DNAI3: variants seen among roughly 807,000 people sequenced by gnomAD.
The protein encoded by DNAI3 is dynein axonemal intermediate chain 3.
DNAI3 carries 83 observed loss-of-function variants against 115.5 expected under a neutral mutation model. The ratio of observed to expected loss-of-function variants is 0.72; its 90% confidence interval spans 0.60 to 0.86. The LOEUF is 0.86. DNAI3 is among the 40% of genes least tolerant of loss of function. The probability of loss-of-function intolerance (pLI) is 0.00; values close to 1 mark genes in which losing one functional copy is unlikely to be tolerated. For synonymous variants in DNAI3, 320 were observed against 347.0 expected, an observed-to-expected ratio of 0.92 and a Z score of 0.86; for missense variants, 1,004 against 1,075.8, an observed-to-expected ratio of 0.93 and a Z score of 0.93.
chr1:85,074,516 C>A (rs1654392531), intron 3 of DNAI3, among the ~76,000 whole-genome samples: 1 of 152,184 alleles, frequency 6.6e-6, no homozygotes, highest in Admixed American at 6.5e-5. Context: ...GATAGATCTT[C>A]CCTTTATGCA....
chr1:85,080,496 A>G (rs182258113), intron 3 of DNAI3, among the ~76,000 whole-genome samples: 1 of 152,156 alleles, frequency 6.6e-6, no homozygotes. Context: ...GGTGGTGCCC[A>G]TTTTGATTAG....
rs1216965131 is a variant in DNAI3 at position 85,117,856 on chromosome 1, A to C, written c.1914A>C (p.Thr638=). 1 of 1,612,050 alleles carries C rather than the reference A, an allele frequency of 6.2e-7. No homozygotes were observed. Among genetic ancestry groups the C allele is most frequent in the East Asian group, 2.2e-5 (1 of 44,858 alleles). ...DDFCTKFFVG[T]EEGEVIYTDW... is the part of the protein sequence containing the mutation. ...TCTGCACAAAGTTCTTTGTGGGAAC[A>C]GAGGTAAATTGGGATTATCTGCTTT... The change falls in exon 17 of 23, where the codon ACA becomes ACC. Residue 638 remains threonine (T), a synonymous_variant. Coordinates refer to ENST00000294664, the MANE Select transcript of DNAI3 (RefSeq NM_145172.5).
chr1:85,120,168 G>A (rs1346934897), intron 17 of DNAI3, among the ~76,000 whole-genome samples: 1 of 152,200 alleles, frequency 6.6e-6, no homozygotes, highest in African/African-American at 2.4e-5. Flanking sequence ...AAATTCCCTG[G>A]CCTCATGGTG....
chr1:85,080,024 A>T (rs1975365), intron 3 of DNAI3, among the ~76,000 whole-genome samples: 1 of 148,136 alleles, frequency 6.8e-6, no homozygotes, highest in Non-Finnish European at 1.5e-5. Flanking sequence ...CTCAAGGGAA[A>T]GTTTCTTTTC....
In DNAI3 at chr1:85,094,477, A is replaced by C. The variant is rs747197897; in HGVS notation, c.1095A>C (p.Arg365Ser). 2 of 1,614,184 alleles carry C rather than the reference A, an allele frequency of 1.2e-6. No homozygotes were observed. Among genetic ancestry groups the C allele is most frequent in the South Asian group, 2.2e-5 (2 of 91,080 alleles). ...CCGTGCGACTTTCTTTTGAAGACAG[A>C]GTTCACTTTTCTGGTAAATTATTGC... ...SVAVRLSFED[R>S]VHFSGKLLLQ... Residue 365 changes from arginine to serine, a missense_variant, in exon 10 of 23, where the codon AGA becomes AGC. By Grantham distance (110) the Arg-to-Ser change is moderately radical (BLOSUM62 -1). This residue lies in a region of DNAI3 where 550 missense variants were observed against 568.1 expected (regional missense o/e 0.97). Transcript: ENST00000294664.
intron 7 of DNAI3, among the ~76,000 whole-genome samples, chr1:85,086,915 G>T (rs78010002): frequency 0.013 from 1,961 of 151,858 alleles, 22 homozygotes; most frequent in East Asian, 0.027. Context: ...AACCTACAAG[G>T]CTTCATATGA....
chr1:85,072,549 G>C (rs958750100), intron 2 of DNAI3, among the ~76,000 whole-genome samples: 5 of 151,876 alleles, frequency 3.3e-5, no homozygotes, highest in Admixed American at 2.6e-4. Context: ...GGCTGAGGCA[G>C]GAGAATCACT....
At chr1:85,096,082 G>C (rs527838724) in intron 11 of DNAI3, 62 bp downstream of exon 11, 4 of 1,484,896 alleles carry the variant, frequency 2.7e-6, no homozygotes, top group Non-Finnish European at 3.7e-6. Flanking sequence ...AATAAGTTTT[G>C]ACTTGGCAGT....
chr1:85,119,774 TGC>T (rs1655937282), intron 17 of DNAI3, among the ~76,000 whole-genome samples: 1 of 152,126 alleles, frequency 6.6e-6, no homozygotes, highest in Non-Finnish European at 1.5e-5. Flanking sequence ...CTCGGCTTAT[TGC>T]AACCTCCACC....
intron 1 of DNAI3, among the ~76,000 whole-genome samples, chr1:85,066,396 C>A (rs1475550151): frequency 7.3e-6 from 1 of 136,440 alleles, no homozygotes; most frequent in Non-Finnish European, 1.5e-5. Context: ...GACCTCGGCT[C>A]ACTGCAAGCT....
chr1:85,093,471 C>A lies in DNAI3; in HGVS notation c.871C>A (p.Leu291Met). The change falls in exon 9 of 23, where the codon CTG (leucine) becomes ATG (methionine). Residue 291 changes from leucine (L) to methionine (M), a missense_variant. By Grantham distance (15) the Leu-to-Met change is conservative. Around this residue, in one of 3 missense-constraint regions of DNAI3, gnomAD observed 550 missense variants for 568.1 expected, o/e 0.97. Transcript: ENST00000294664. ...NNASISVEIALQQNEIMNTFI... is the reference protein window; with the variant it reads ...NNASISVEIAMQQNEIMNTFI... ...TTTACAAATTAGTGTTGAAATAGCC[C>A]TGCAGCAAAATGAAATCATGAACAC... The A allele has an allele frequency of 1.2e-6, 2 of 1,613,728 alleles. No individual in the cohort carries two copies. The highest frequency in any genetic ancestry group is 2.2e-5 in the South Asian group (2 of 90,956).
chr1:85,129,506 C>T (rs1168056533), intron 21 of DNAI3, among the ~76,000 whole-genome samples: 1 of 150,884 alleles, frequency 6.6e-6, no homozygotes, highest in East Asian at 1.9e-4. Context: ...GCTCTGCTTC[C>T]AGTCCCTCTA....
At chr1:85,108,641 AG>A (rs1655563264) in intron 15 of DNAI3, among the ~76,000 whole-genome samples, 1 of 152,132 alleles carries the variant, frequency 6.6e-6, no homozygotes, top group Non-Finnish European at 1.5e-5. Flanking sequence ...TTTTGGATTC[AG>A]GGGGTACATG....
At chr1:85,092,668 A>C (rs1655012944) in intron 8 of DNAI3, among the ~76,000 whole-genome samples, 1 of 152,108 alleles carries the variant, frequency 6.6e-6, no homozygotes, top group South Asian at 2.1e-4. Flanking sequence ...ATGGTATCTT[A>C]AAGGAGCAAT....
chr1:85,104,460 G>A, intron 13 of DNAI3, 64 bp from the exon 14 acceptor site: 2 of 1,381,186 alleles, frequency 1.4e-6, no homozygotes, highest in Non-Finnish European at 1.0e-6. Flanking sequence ...AAGAAGAAAA[G>A]AATTTAAAAG....
rs1654791579 is a variant in DNAI3, at chr1:85,086,017, A to C, written c.727A>C (p.Thr243Pro). ...QVIPQIKDISTQTKWTYPKNA... is the reference protein window; with the variant it reads ...QVIPQIKDISPQTKWTYPKNA... The stretch of plus-strand genomic sequence containing the variant: ...AATCCCCCAAATAAAGGACATAAGC[A>C]CTCAGACAAAATGGTAAGTATGTGA... The change falls in exon 7 of 23, where the codon ACT becomes CCT. Residue 243 changes from threonine to proline, a missense_variant. This residue lies in a region of DNAI3 where 550 missense variants were observed against 568.1 expected (regional missense o/e 0.97). Transcript: ENST00000294664. 6.2e-7 allele frequency: 1 copy of C among 1,613,996 alleles called. No individual in the cohort carries two copies. Among genetic ancestry groups the C allele is most frequent in the Non-Finnish European group, 8.5e-7 (1 of 1,179,994 alleles).
chr1:85,127,720 A>C (rs748188658), intron 20 of DNAI3, among the ~76,000 whole-genome samples: 3 of 152,202 alleles, frequency 2.0e-5, no homozygotes, highest in Non-Finnish European at 4.4e-5. Flanking sequence ...TTGGTGTAAA[A>C]CATTGCTTTG....
chr1:85,095,952 G>T lies in DNAI3; in HGVS notation c.1195G>T (p.Asp399Tyr). The change falls in exon 11 of 23, where the codon GAC (aspartate) becomes TAC (tyrosine). Residue 399 changes from aspartate to tyrosine, a missense_variant. By Grantham distance (160) the Asp-to-Tyr change is radical (BLOSUM62 -3). Transcript: ENST00000294664. ...HPQLMLESPD[D>Y]IFCFKFCPSD... ...TTAGTTAATGCTGGAGAGCCCAGAT[G>T]ACATCTTCTGCTTCAAGTTCTGTCC... 1 of 1,613,940 alleles carries T rather than the reference G, an allele frequency of 6.2e-7. No homozygotes were observed. The highest frequency in any genetic ancestry group is 1.1e-5 in the South Asian group (1 of 91,082).
intron 16 of DNAI3, among the ~76,000 whole-genome samples, chr1:85,112,226 C>T (rs563227256): frequency 1.1e-3 from 160 of 152,202 alleles, no homozygotes; most frequent in African/African-American, 3.6e-3. Flanking sequence ...AATCTGGCTT[C>T]TTTTAATCAG....
Sources: gnomAD v4.1 joint callset for allele counts (sites outside exome capture counted in the v4.1 genomes callset) on GRCh38, gnomAD v4.1.1 for gene constraint, gnomAD v4.1.1 regional missense constraint, MANE v1.5 for transcripts, NCBI Gene and HGNC (gene_info 2026-07-23, HGNC 2026-07-21) for gene names.